The following EGFLAM variants were observed in gnomAD, a reference collection of about 807,000 sequenced individuals.
EGFLAM encodes EGF like, fibronectin type III and laminin G domains.
In EGFLAM, 79 loss-of-function variants were observed where a neutral mutation model predicts 113.1. That is an observed-to-expected ratio of 0.70 (90% CI 0.58 to 0.84). EGFLAM has a LOEUF of 0.84. Ranked by LOEUF, EGFLAM falls within the 40% of genes least tolerant of loss-of-function variation. The pLI is 0.00. For missense variants in EGFLAM, 1,265 were observed against 1,291.6 expected (o/e 0.98, Z 0.32); for synonymous variants, 504 against 487.6 (o/e 1.03, Z -0.44).
At chr5:38,290,330 G>A (rs1758290031) in intron 1 of EGFLAM, among the ~76,000 whole-genome samples, 1 of 152,150 alleles carries the variant, frequency 6.6e-6, no homozygotes, top group African/African-American at 2.4e-5. Flanking sequence ...TCCCCAGCAA[G>A]TCCACCTGCC....
intron 9 of EGFLAM, among the ~76,000 whole-genome samples, chr5:38,408,546 G>A (rs1196848272): frequency 1.3e-5 from 2 of 152,198 alleles, no homozygotes; most frequent in Admixed American, 6.5e-5. Context: ...CACCAGCACA[G>A]CTTTTGGCTG....
In EGFLAM at chr5:38,378,528, T is replaced by C. The variant is rs551190727; in HGVS notation, c.712+8066T>C. Among the ~76,000 whole-genome samples, 304 of 152,350 alleles carry C rather than the reference T, an allele frequency of 2.0e-3. 1 individual carries two copies. The highest frequency in any genetic ancestry group is 7.0e-3 in the African/African-American group (293 of 41,582). On this transcript the variant is annotated intron_variant, in intron 6 of 21. Coordinates refer to ENST00000322350, the MANE Select transcript of EGFLAM (RefSeq NM_152403.4). Reference sequence around the variant, plus strand: ...GGAGACAGAAGGTAGTGGCATGTTCTGGGGATGGCTACAAAGCAATCAGGA... The same window carrying C: ...GGAGACAGAAGGTAGTGGCATGTTCCGGGGATGGCTACAAAGCAATCAGGA...
At chr5:38,272,235 A>T (rs1373025213) in intron 1 of EGFLAM, among the ~76,000 whole-genome samples, 1 of 152,226 alleles carries the variant, frequency 6.6e-6, no homozygotes, top group African/African-American at 2.4e-5. Flanking sequence ...GAAGTAATGC[A>T]TGGGGCTGCC....
At chr5:38,445,961 AAGG>A (rs1193728032) in intron 17 of EGFLAM, among the ~76,000 whole-genome samples, 1 of 152,018 alleles carries the variant, frequency 6.6e-6, no homozygotes, top group African/African-American at 2.4e-5. Flanking sequence ...CAACCCTTGC[AAGG>A]AGTTCAGGGG....
At chr5:38,354,967 T>A (rs1185031919) in intron 5 of EGFLAM, among the ~76,000 whole-genome samples, 1 of 152,176 alleles carries the variant, frequency 6.6e-6, no homozygotes, top group Admixed American at 6.5e-5. Flanking sequence ...GAGTGCTGCC[T>A]TCTCTATTGG....
At chr5:38,292,627 T>C (rs890094409) in intron 1 of EGFLAM, among the ~76,000 whole-genome samples, 1 of 151,992 alleles carries the variant, frequency 6.6e-6, no homozygotes, top group African/African-American at 2.4e-5. Flanking sequence ...AAAGGGATAG[T>C]ACCCACCTGT....
intron 17 of EGFLAM, chr5:38,445,577 A>G (rs1742680323): frequency 6.3e-7 from 1 of 1,596,528 alleles, no homozygotes; most frequent in Admixed American, 1.7e-5. Context: ...TGTGAGAGAA[A>G]CAAGGCTGGC....
At chr5:38,343,428 G>A (rs1341290211) in intron 3 of EGFLAM, among the ~76,000 whole-genome samples, 4 of 149,228 alleles carry the variant, frequency 2.7e-5, no homozygotes, top group East Asian at 4.0e-4. Flanking sequence ...AAAAAAAAAT[G>A]AGGGGATGGA....
intron 1 of EGFLAM, among the ~76,000 whole-genome samples, chr5:38,333,790 A>G (rs1264084482): frequency 6.6e-6 from 1 of 151,770 alleles, no homozygotes; most frequent in East Asian, 1.9e-4. Flanking sequence ...GCTGTGCAGA[A>G]GCTCTTAAGT....
chr5:38,448,225 T>C, intron 17 of EGFLAM, 76 bp from the exon 18 acceptor site: 1 of 1,476,896 alleles, frequency 6.8e-7, no homozygotes, highest in Non-Finnish European at 9.4e-7. Context: ...AGCTGGGTGT[T>C]TTCCTGCCAT....
rs1288285587 is a variant in EGFLAM, at chr5:38,324,040, AAAC to A, written c.98-13477_98-13475del. On this transcript the variant is annotated intron_variant, in intron 1 of 21. Coordinates refer to ENST00000322350, the MANE Select transcript of EGFLAM (RefSeq NM_152403.4). ...GCATGACAGAATGAAACTCCATCTCAAACAAAAAAAAAAAAAAAAAAAAGCTTT... is the reference window on the plus strand; with the variant it reads ...GCATGACAGAATGAAACTCCATCTCAAAAAAAAAAAAAAAAAAAAAGCTTT... Among the ~76,000 whole-genome samples, 58 of 107,400 alleles carry A rather than the reference AAAC, an allele frequency of 5.4e-4. 2 individuals carry two copies. Among genetic ancestry groups the A allele is most frequent in the Admixed American group, 6.3e-4 (7 of 11,180 alleles). The allele number at this position is 107,400 out of a possible 152,430, so 70.5% of individuals were successfully genotyped here.
intron 6 of EGFLAM, among the ~76,000 whole-genome samples, chr5:38,384,935 T>C (rs941447690): frequency 6.6e-6 from 1 of 152,144 alleles, no homozygotes; most frequent in Non-Finnish European, 1.5e-5. Context: ...TACTGGCATT[T>C]AGTCAGTAGA....
At position 38,384,238 on chromosome 5, in the gene EGFLAM, G is replaced by T. The variant is rs559147658; in HGVS notation, c.712+13776G>T. Among the ~76,000 whole-genome samples, 3 of 152,214 alleles carry T rather than the reference G, an allele frequency of 2.0e-5. No homozygotes were observed. The East Asian group carries it at 5.8e-4, about 30-fold the overall frequency. On this transcript the variant is annotated intron_variant, in intron 6 of 21. Coordinates refer to ENST00000322350, the MANE Select transcript of EGFLAM (RefSeq NM_152403.4). ...AGAATTTTGAAACTGGCGAGTCATT[G>T]AAGAACCTAGCCAGACTTCCACAAT...
At chr5:38,423,624 C>A (rs1236991765) in intron 12 of EGFLAM, among the ~76,000 whole-genome samples, 3 of 152,132 alleles carry the variant, frequency 2.0e-5, no homozygotes, top group Admixed American at 2.0e-4. Flanking sequence ...TCTTTAAGAT[C>A]AAAGTCAGCC....
At chr5:38,318,910 A>G (rs6894684) in intron 1 of EGFLAM, among the ~76,000 whole-genome samples, 51,171 of 151,926 alleles carry the variant, frequency 0.34, 9,951 homozygotes, top group African/African-American at 0.54. Flanking sequence ...GAATTCTAGA[A>G]AGGGCTGCTT....
At chr5:38,347,887 A>T (rs1252290423) in intron 3 of EGFLAM, among the ~76,000 whole-genome samples, 1 of 152,136 alleles carries the variant, frequency 6.6e-6, no homozygotes, top group African/African-American at 2.4e-5. Flanking sequence ...TGTCATATTT[A>T]TGAGGACTTG....
chr5:38,425,726 A>G (rs1741983593), intron 13 of EGFLAM, among the ~76,000 whole-genome samples: 1 of 152,216 alleles, frequency 6.6e-6, no homozygotes. Context: ...TGGCCCTTGA[A>G]TAACTTTTAA....
intron 5 of EGFLAM, among the ~76,000 whole-genome samples, chr5:38,362,946 C>A (rs1225858980): frequency 1.3e-5 from 2 of 152,132 alleles, no homozygotes; most frequent in Admixed American, 6.6e-5. Flanking sequence ...CTTTGGGAGC[C>A]ATTTGTAAAC....
intron 1 of EGFLAM, among the ~76,000 whole-genome samples, chr5:38,311,958 C>T (rs1738455512): frequency 6.6e-6 from 1 of 152,094 alleles, no homozygotes; most frequent in Non-Finnish European, 1.5e-5. Context: ...CAATTTAATC[C>T]AGTGGTTTGG....
Sources: gnomAD v4.1 joint callset for allele counts (sites outside exome capture counted in the v4.1 genomes callset) on GRCh38, gnomAD v4.1.1 for gene constraint, MANE v1.5 for transcripts, NCBI Gene and HGNC (gene_info 2026-07-23, HGNC 2026-07-21) for gene names.